Variants in COL4A2 observed in about 807,000 individuals in gnomAD.
COL4A2 encodes the protein collagen alpha-2(IV) chain.
A neutral mutation model predicts 200.2 loss-of-function variants in COL4A2; 99 were observed. The observed-to-expected ratio is 0.49, with a 90% confidence interval of 0.42 to 0.58. The LOEUF (loss-of-function observed/expected upper bound fraction) is 0.58, where lower values mean the gene tolerates loss of function less well. Among genes scored for constraint, COL4A2 ranks in the 20% least tolerant of loss-of-function variants. COL4A2 has a pLI of 0.00. For synonymous variants in COL4A2, 897 were observed against 900.6 expected (o/e 1.00, Z 0.07); for missense variants, 1,950 against 2,314.1 (o/e 0.84, Z 3.23).
intron 4 of COL4A2, among the ~76,000 whole-genome samples, chr13:110,378,447 C>T (rs1228379018): frequency 1.3e-5 from 2 of 152,216 alleles, no homozygotes; most frequent in East Asian, 3.9e-4. Flanking sequence ...AGAGGTGCGC[C>T]TGCGGCCTCA....
chr13:110,359,820 A>T (rs1046375708), intron 4 of COL4A2, among the ~76,000 whole-genome samples: 11 of 152,216 alleles, frequency 7.2e-5, no homozygotes, highest in African/African-American at 2.7e-4. Flanking sequence ...GTCAAAAATC[A>T]CAACTGAGGA....
intron 4 of COL4A2, 41 bp from the exon 5 acceptor site, chr13:110,424,693 T>C (rs553654506): frequency 5.5e-6 from 8 of 1,442,086 alleles, no homozygotes; most frequent in South Asian, 5.0e-5. Flanking sequence ...GAGTATGTAT[T>C]GTGATTAATC....
chr13:110,314,863 G>C (rs1019562005), intron 3 of COL4A2, among the ~76,000 whole-genome samples: 1 of 152,226 alleles, frequency 6.6e-6, no homozygotes, highest in Non-Finnish European at 1.5e-5. Flanking sequence ...CAGGTGGCTG[G>C]TGGCTGGTGG....
At chr13:110,390,644 G>T (rs894770883) in intron 4 of COL4A2, among the ~76,000 whole-genome samples, 1 of 152,198 alleles carries the variant, frequency 6.6e-6, no homozygotes, top group Admixed American at 6.5e-5. Flanking sequence ...ATTCTTTAGG[G>T]ACTGGAAAGT....
At chr13:110,436,972 C>T (rs1449946420) in intron 13 of COL4A2, among the ~76,000 whole-genome samples, 1 of 152,204 alleles carries the variant, frequency 6.6e-6, no homozygotes, top group Non-Finnish European at 1.5e-5. Context: ...GATGGCGACA[C>T]TGACCTCCTG....
intron 16 of COL4A2, among the ~76,000 whole-genome samples, chr13:110,441,282 G>A (rs559091604): frequency 1.3e-5 from 2 of 152,136 alleles, no homozygotes; most frequent in South Asian, 2.1e-4. Flanking sequence ...TGGGGGTTCC[G>A]CCATGCTTGT....
At position 110,425,893 on chromosome 13, in the gene COL4A2, G is replaced by A. The variant is rs578124761; in HGVS notation, c.360+896G>A. Reference sequence around the variant, plus strand: ...TTTCCATGAGATCTTTAGTCCCACCGTCGAGGAGACATCCGCAGAGCAGAA... The same window carrying A: ...TTTCCATGAGATCTTTAGTCCCACCATCGAGGAGACATCCGCAGAGCAGAA... On this transcript the variant is annotated intron_variant, in intron 6 of 47. Coordinates refer to ENST00000360467, the MANE Select transcript of COL4A2 (RefSeq NM_001846.4). Among the ~76,000 whole-genome samples the A allele has an allele frequency of 2.2e-4, 33 of 152,242 alleles. No individual in the cohort carries two copies. In the South Asian group the frequency reaches 6.7e-3, roughly 31 times the overall value.
chr13:110,366,646 G>A (rs188380866), intron 4 of COL4A2, among the ~76,000 whole-genome samples: 134 of 152,242 alleles, frequency 8.8e-4, no homozygotes, highest in Admixed American at 8.0e-3. Flanking sequence ...CATGCAGTGG[G>A]TACCCCAGGA....
At chr13:110,385,366 T>A (rs955717042) in intron 4 of COL4A2, among the ~76,000 whole-genome samples, 1 of 152,114 alleles carries the variant, frequency 6.6e-6, no homozygotes, top group Non-Finnish European at 1.5e-5. Flanking sequence ...CTTCTGTGTC[T>A]GCTAAGGGAG....
intron 41 of COL4A2, 147 bp downstream of exon 41, chr13:110,501,931 T>G (rs1566570399): frequency 1.3e-6 from 1 of 774,314 alleles, no homozygotes; most frequent in African/African-American, 1.8e-5. Context: ...TGGCTCCTCC[T>G]GTGTCATTTC....
At chr13:110,363,328 TTAGCGACTGCATTTTTTCATG>T (rs1165554827) in intron 4 of COL4A2, among the ~76,000 whole-genome samples, 1 of 152,198 alleles carries the variant, frequency 6.6e-6, no homozygotes, top group African/African-American at 2.4e-5. Context: ...CAAGTTGTGT[TTAGCGACTGCATTTTTTCATG>T]TAGCTAAGAG....
intron 3 of COL4A2, among the ~76,000 whole-genome samples, chr13:110,325,044 G>C (rs1279309428): frequency 6.6e-6 from 1 of 152,198 alleles, no homozygotes; most frequent in African/African-American, 2.4e-5. Context: ...GCCTTCACAT[G>C]CACAAGGAGG....
chr13:110,425,090 C>G, intron 6 of COL4A2, 93 bp downstream of exon 6: 4 of 1,498,422 alleles, frequency 2.7e-6, no homozygotes, highest in Non-Finnish European at 1.8e-6. Flanking sequence ...ATGAGACCTC[C>G]TTTTTTGTTT....
chr13:110,326,134 C>T (rs1276203526), intron 3 of COL4A2, among the ~76,000 whole-genome samples: 1 of 152,148 alleles, frequency 6.6e-6, no homozygotes. Flanking sequence ...GGCACCTGCC[C>T]TTCGCCCAGG....
chr13:110,455,049 T>C (rs1425485695), intron 20 of COL4A2, among the ~76,000 whole-genome samples: 1 of 152,130 alleles, frequency 6.6e-6, no homozygotes, highest in African/African-American at 2.4e-5. Context: ...TGGCGGGTCC[T>C]CCACTCCAGT....
chr13:110,484,652 G>A (rs1400173719), intron 32 of COL4A2, among the ~76,000 whole-genome samples: 2 of 152,126 alleles, frequency 1.3e-5, no homozygotes, highest in African/African-American at 4.8e-5. Flanking sequence ...GCATCTGCTG[G>A]CAGGCACGTC....
At chr13:110,376,320 A>G (rs1474179084) in intron 4 of COL4A2, among the ~76,000 whole-genome samples, 2 of 152,162 alleles carry the variant, frequency 1.3e-5, no homozygotes, top group African/African-American at 2.4e-5. Context: ...GAGCGTCAGA[A>G]GGTCGGAGCC....
At chr13:110,486,493 A>T (rs1409531572) in intron 34 of COL4A2, among the ~76,000 whole-genome samples, 2 of 152,194 alleles carry the variant, frequency 1.3e-5, no homozygotes, top group African/African-American at 4.8e-5. Flanking sequence ...AGCCTCGTTC[A>T]TATGAAGATA....
At chr13:110,325,946 G>A (rs961596134) in intron 3 of COL4A2, among the ~76,000 whole-genome samples, 2 of 152,082 alleles carry the variant, frequency 1.3e-5, no homozygotes, top group African/African-American at 4.8e-5. Context: ...ACCAGGCCGG[G>A]CTAATTTTTT....
Sources: gnomAD v4.1 joint callset for allele counts (sites outside exome capture counted in the v4.1 genomes callset) on GRCh38, gnomAD v4.1.1 for gene constraint, MANE v1.5 for transcripts, NCBI Gene and HGNC (gene_info 2026-07-23, HGNC 2026-07-21) for gene names.